FBXO42: variants seen among roughly 807,000 people sequenced by gnomAD.
The protein encoded by FBXO42 is F-box only protein 42.
In FBXO42, 12 loss-of-function variants were observed where a neutral mutation model predicts 71.7. The ratio of observed to expected loss-of-function variants is 0.17; its 90% CI spans 0.11 to 0.27. The LOEUF (loss-of-function observed/expected upper bound fraction) is 0.27. FBXO42 is among the 10% of genes least tolerant of loss of function. The pLI is 1.00. For synonymous variants in FBXO42, 325 were observed against 327.5 expected (o/e 0.99, Z 0.08); for missense variants, 707 against 911.9 (o/e 0.78, Z 2.89).
chr1:16,320,007 G>A (rs1420452922), intron 1 of FBXO42, among the ~76,000 whole-genome samples: 3 of 151,590 alleles, frequency 2.0e-5, no homozygotes, highest in African/African-American at 4.8e-5. Context: ...TGACTGACTC[G>A]CTAGAGGGAG....
intron 4 of FBXO42, among the ~76,000 whole-genome samples, chr1:16,283,265 G>A (rs140429427): frequency 5.9e-4 from 90 of 152,086 alleles, no homozygotes; most frequent in Admixed American, 5.9e-4. Context: ...CTCTATCTTC[G>A]AGTGCATTTT....
At chr1:16,272,363 G>T (rs900706392) in intron 4 of FBXO42, among the ~76,000 whole-genome samples, 14 of 151,556 alleles carry the variant, frequency 9.2e-5, no homozygotes, top group Non-Finnish European at 1.8e-4. Context: ...GGGTTCAAGC[G>T]ATTCTTCTGC....
At chr1:16,259,794 A>AAAAG (rs1197465122) in intron 4 of FBXO42, among the ~76,000 whole-genome samples, 3 of 151,892 alleles carry the variant, frequency 2.0e-5, no homozygotes, top group Non-Finnish European at 1.5e-5. Flanking sequence ...AGAAAGAAAA[A>AAAAG]AAAGAAAGAA....
At position 16,250,793 on chromosome 1, in the gene FBXO42, G is replaced by A. The variant is rs1234204531; in HGVS notation, c.2031C>T (p.Ser677=). 3.7e-6 allele frequency: 6 copies of A among 1,614,006 alleles called. No individual in the cohort carries two copies. In the South Asian group the frequency reaches 5.5e-5, roughly 15 times the overall value. ...CCCTGCCTTGTACCACGGTATGCAG[G>A]CTGGTTTCAGGAGGTCCAACCACAG... ...SSSVVGPPET[S]LHTVVQGRGE... Residue 677 remains serine, a synonymous_variant, in exon 10 of 10, where the codon AGC becomes AGT. Transcript: ENST00000375592. This position sits in a 1 kb window ranked among gnomAD's most constrained non-coding sequence, Gnocchi z 4.7.
At chr1:16,255,687 A>G in intron 6 of FBXO42, 24 bp downstream of exon 6, 1 of 1,592,790 alleles carries the variant, frequency 6.3e-7, no homozygotes, top group Non-Finnish European at 8.6e-7. Context: ...TCAGGCTCAT[A>G]TGGAGCAAAC....
chr1:16,324,724 G>A (rs914732007), intron 1 of FBXO42, among the ~76,000 whole-genome samples: 13 of 152,204 alleles, frequency 8.5e-5, no homozygotes, highest in South Asian at 2.1e-4. Flanking sequence ...TCTGAGGTGC[G>A]AGCATCGCTT....
At chr1:16,337,937 T>G (rs1413640619) in intron 1 of FBXO42, among the ~76,000 whole-genome samples, 6 of 121,640 alleles carry the variant, frequency 4.9e-5, no homozygotes, top group Non-Finnish European at 1.0e-4. Flanking sequence ...CCAAACACAG[T>G]GGCTCACGCC....
chr1:16,285,869 G>A (rs547665924), intron 4 of FBXO42, among the ~76,000 whole-genome samples: 7 of 151,834 alleles, frequency 4.6e-5, no homozygotes, highest in African/African-American at 1.7e-4. Flanking sequence ...TCTCTTTTTT[G>A]TTTTTGTTGT....
chr1:16,268,856 A>G (rs952258209), intron 4 of FBXO42, among the ~76,000 whole-genome samples: 2 of 151,170 alleles, frequency 1.3e-5, no homozygotes, highest in African/African-American at 4.8e-5. Flanking sequence ...GTGGTGGCAC[A>G]TGCCTGTAAT....
chr1:16,278,054 ATTTTT>A (rs2081923651), intron 4 of FBXO42, among the ~76,000 whole-genome samples: 6 of 149,182 alleles, frequency 4.0e-5, no homozygotes, highest in African/African-American at 1.5e-4. Context: ...AAAATAAATA[ATTTTT>A]AAAAATCCAC....
intron 3 of FBXO42, among the ~76,000 whole-genome samples, chr1:16,297,304 C>A (rs78126223): frequency 6.6e-6 from 1 of 151,844 alleles, no homozygotes; most frequent in Non-Finnish European, 1.5e-5. Flanking sequence ...GGACTCTCTA[C>A]GGTAAGAAGG....
rs34993864 is a variant in FBXO42 at position 16,342,396 on chromosome 1, C to CAAA, written c.-18+9856_-18+9858dup. On this transcript the variant is annotated intron_variant, in intron 1 of 9. Transcript: ENST00000375592. ...GGGCAAGAAGAGCGAAACTCTGTCT[C>CAAA]AAAAAAAAAAAAAAAAAAAAACCCT... 7.7e-4 allele frequency among the ~76,000 whole-genome samples: 60 copies of CAAA among 77,796 alleles called. 1 individual carries two copies. The highest frequency in any genetic ancestry group is 3.0e-3 in the African/African-American group (56 of 18,964). The allele number at this position is 77,796 out of a possible 152,430, so 51.0% of individuals were successfully genotyped here. A position where few individuals can be genotyped will look rare whatever the true frequency, so the allele number is the denominator to read the frequency against.
intron 2 of FBXO42, among the ~76,000 whole-genome samples, chr1:16,309,369 G>A (rs900108853): frequency 6.6e-6 from 1 of 151,620 alleles, no homozygotes; most frequent in Non-Finnish European, 1.5e-5. Context: ...GAGCCACCGC[G>A]CCTGGCCAAC....
intron 6 of FBXO42, among the ~76,000 whole-genome samples, chr1:16,254,275 A>G (rs2081618124): frequency 6.6e-6 from 1 of 152,232 alleles, no homozygotes; most frequent in Admixed American, 6.5e-5. Flanking sequence ...AATTGGTGAC[A>G]GCAGGAAATA....
chr1:16,307,643 A>G (rs569494658), intron 2 of FBXO42, among the ~76,000 whole-genome samples: 27 of 152,362 alleles, frequency 1.8e-4, no homozygotes, highest in African/African-American at 6.3e-4. Context: ...ACAACAATGA[A>G]CAAGTAGAAT....
intron 1 of FBXO42, among the ~76,000 whole-genome samples, chr1:16,331,805 C>T (rs185620038): frequency 6.6e-6 from 1 of 151,420 alleles, no homozygotes; most frequent in African/African-American, 2.4e-5. Flanking sequence ...AATCCCAGCA[C>T]TTTGGGAGGC....
rs1437505161 is a variant in FBXO42 at position 16,251,326 on chromosome 1, T to C, written c.1498A>G (p.Ile500Val). Residue 500 changes from isoleucine to valine, a missense_variant, in exon 10 of 10, where the codon ATA (isoleucine) becomes GTA (valine). Coordinates refer to ENST00000375592, the MANE Select transcript of FBXO42 (RefSeq NM_018994.3). The surrounding 1 kb of genome is among the most constrained non-coding windows in gnomAD (Gnocchi z 4.5). ...PDQKDLRLGS[I>V]DLNWDLKPAS... ...GGTTTCAGATCCCAATTCAGATCTATGGATCCTAATCTCAGATCTTTCTGA... is the reference window on the plus strand; with the variant it reads ...GGTTTCAGATCCCAATTCAGATCTACGGATCCTAATCTCAGATCTTTCTGA... 3.1e-6 allele frequency: 5 copies of C among 1,614,106 alleles called. No homozygotes were observed. In the Admixed American group the frequency reaches 5.0e-5, roughly 16 times the overall value.
chr1:16,305,735 C>A (rs1004622721), intron 3 of FBXO42, 68 bp downstream of exon 3: 18 of 1,332,506 alleles, frequency 1.4e-5, no homozygotes, highest in Non-Finnish European at 1.9e-5. Flanking sequence ...AAAAAACATG[C>A]CACCAAACAA....
intron 1 of FBXO42, among the ~76,000 whole-genome samples, chr1:16,316,923 T>C (rs1366793815): frequency 6.6e-6 from 1 of 152,002 alleles, no homozygotes; most frequent in African/African-American, 2.4e-5. Flanking sequence ...CGCCATGAAA[T>C]ATAGAGCAAA....
Sources: gnomAD v4.1 joint callset for allele counts (sites outside exome capture counted in the v4.1 genomes callset) on GRCh38, gnomAD v4.1.1 for gene constraint, Gnocchi (gnomAD v3.1) non-coding constraint, MANE v1.5 for transcripts, NCBI Gene and HGNC (gene_info 2026-07-23, HGNC 2026-07-21) for gene names.